Variants in ATP8A2 observed in about 807,000 individuals in gnomAD.
ATP8A2 encodes the protein phospholipid-transporting ATPase IB.
ATP8A2 carries 100 observed loss-of-function variants against 165.6 expected under a neutral mutation model. The ratio of observed to expected loss-of-function variants is 0.60; its 90% CI spans 0.51 to 0.71. The LOEUF is 0.71. Among genes scored for constraint, ATP8A2 ranks in the 30% least tolerant of loss-of-function variants. The pLI, the probability that ATP8A2 is intolerant of heterozygous loss-of-function variation, is 0.00. For missense variants in ATP8A2, 1,227 were observed against 1,479.5 expected (o/e 0.83, Z 2.80); for synonymous variants, 543 against 548.8 (o/e 0.99, Z 0.15).
Position 25,578,861 on chromosome 13 carries a change from A to G in ATP8A2, c.1829A>G (p.Glu610Gly), listed in dbSNP as rs765383685. ...ERLSKDSKYM[E>G]ETLCHLEYFA... ...CTTTCAAAAGACTCAAAATATATGG[A>G]GGAAACATTATGCCATCTGGAATAC... is the stretch of plus-strand genomic sequence containing the variant. Residue 610 changes from glutamate (E) to glycine (G), a missense_variant, in exon 21 of 37, where the codon GAG becomes GGG. Physicochemically the swap from Glu to Gly is moderately conservative, Grantham distance 98 (BLOSUM62 -2). This residue lies in a region of ATP8A2 where 592 missense variants were observed against 785.6 expected (regional missense o/e 0.75). Coordinates refer to ENST00000381655, the MANE Select transcript of ATP8A2 (RefSeq NM_016529.6). 6.2e-7 allele frequency: 1 copy of G among 1,611,588 alleles called. No individual in the cohort carries two copies. The highest frequency in any genetic ancestry group is 1.1e-5 in the South Asian group (1 of 91,024).
Position 25,712,363 on chromosome 13 carries a change from A to G in ATP8A2, c.2384+13018A>G, listed in dbSNP as rs558182257. Among the ~76,000 whole-genome samples the G allele has an allele frequency of 1.5e-4, 23 of 152,264 alleles. No individual in the cohort carries two copies. In the East Asian group the frequency reaches 1.7e-3, roughly 12 times the overall value. On this transcript the variant is annotated intron_variant, in intron 25 of 36. Transcript: ENST00000381655. ...ATGTCAGTTAGTGCTGCTGCCCACT[A>G]GAAACCCTGGAGCCTGGAAGATGAG...
chr13:25,585,171 T>G (rs962810126), intron 23 of ATP8A2, among the ~76,000 whole-genome samples: 2 of 152,232 alleles, frequency 1.3e-5, no homozygotes, highest in Non-Finnish European at 2.9e-5. Context: ...ATTGGCATGT[T>G]GCCAGAATCC....
chr13:25,713,995 C>A lies in ATP8A2; in HGVS notation c.2384+14650C>A, dbSNP rs143809465. Among the ~76,000 whole-genome samples the A allele has an allele frequency of 3.3e-5, 5 of 152,206 alleles. No homozygotes were observed. The East Asian group carries it at 9.7e-4, about 29-fold the overall frequency. The stretch of plus-strand genomic sequence containing the variant: ...CCTTTGATCTTAGGTACGTTGAATT[C>A]TTAAATTTATTAGCTTCTCTAATGC... On this transcript the variant is annotated intron_variant, in intron 25 of 36. Coordinates refer to ENST00000381655, the MANE Select transcript of ATP8A2 (RefSeq NM_016529.6).
rs148780995 is a variant in ATP8A2, at chr13:26,004,879, T to C, written c.3378-7652T>C. On this transcript the variant is annotated intron_variant, in intron 35 of 36. Coordinates refer to ENST00000381655, the MANE Select transcript of ATP8A2 (RefSeq NM_016529.6). ...TGATTCTTTCAATGTGTTGTTAAGT[T>C]CAGTTTGCTAATATTTTGTTGAGGA... is the stretch of plus-strand genomic sequence containing the variant. 2.7e-3 allele frequency among the ~76,000 whole-genome samples: 406 copies of C among 152,196 alleles called. 1 individual carries two copies. Among genetic ancestry groups the C allele is most frequent in the African/African-American group, 9.0e-3 (372 of 41,554 alleles).
chr13:25,506,943 A>ATATATATATATATATATATATG (rs2037058562), intron 2 of ATP8A2, among the ~76,000 whole-genome samples: 1 of 119,816 alleles, frequency 8.3e-6, no homozygotes, highest in Non-Finnish European at 1.7e-5. Context: ...TACAGTACAT[A>ATATATATATATATATATATATG]TATATATATA....
At position 25,555,073 on chromosome 13, in the gene ATP8A2, A is replaced by C; in HGVS notation, c.1263+5A>C. 1 of 1,608,512 alleles carries C rather than the reference A, an allele frequency of 6.2e-7. No individual in the cohort carries two copies. The highest frequency in any genetic ancestry group is 8.5e-7 in the Non-Finnish European group (1 of 1,175,158). On this transcript the variant is annotated splice_donor_5th_base_variant and intron_variant, in intron 13 of 36. Transcript: ENST00000381655. ...CTTAATGAAGAGCTTGGGCAGGTGA[A>C]AAAGCCTCTGGGAACTTTGGGAATG...
chr13:25,977,217 GA>G (rs1212242196), intron 35 of ATP8A2, among the ~76,000 whole-genome samples: 3 of 151,776 alleles, frequency 2.0e-5, no homozygotes, highest in African/African-American at 7.3e-5. Context: ...AAAATTAATT[GA>G]ATGCGTTTAA....
chr13:25,747,347 G>A (rs1421452449), intron 25 of ATP8A2, among the ~76,000 whole-genome samples: 1 of 152,242 alleles, frequency 6.6e-6, no homozygotes, highest in Admixed American at 6.5e-5. Flanking sequence ...AAGGTTAGTA[G>A]CGAAGTCAGT....
intron 24 of ATP8A2, among the ~76,000 whole-genome samples, chr13:25,665,356 G>T (rs1181492770): frequency 6.6e-6 from 1 of 152,184 alleles, no homozygotes. Context: ...TACTTGGGAG[G>T]CTGAGGAGGG....
intron 33 of ATP8A2, among the ~76,000 whole-genome samples, chr13:25,940,527 C>T (rs1179058764): frequency 6.6e-6 from 1 of 152,212 alleles, no homozygotes; most frequent in African/African-American, 2.4e-5. Context: ...ATATTACCGC[C>T]CCCGGTTCCC....
At chr13:25,800,011 C>T (rs1950588757) in intron 27 of ATP8A2, among the ~76,000 whole-genome samples, 1 of 152,208 alleles carries the variant, frequency 6.6e-6, no homozygotes, top group African/African-American at 2.4e-5. Context: ...CAGCAGCTCA[C>T]ATTTATTGGG....
intron 13 of ATP8A2, among the ~76,000 whole-genome samples, chr13:25,557,840 G>A (rs762253657): frequency 3.3e-5 from 5 of 152,078 alleles, no homozygotes; most frequent in Non-Finnish European, 7.4e-5. Flanking sequence ...TTAAGGATAA[G>A]TTAAAATTTA....
At chr13:25,781,211 G>A (rs140068893) in intron 27 of ATP8A2, among the ~76,000 whole-genome samples, 31 of 152,162 alleles carry the variant, frequency 2.0e-4, no homozygotes, top group African/African-American at 6.0e-4. Flanking sequence ...TGCAGTGAGC[G>A]GAAGCCGAGA....
At chr13:25,895,119 C>CA (rs767115773) in intron 33 of ATP8A2, among the ~76,000 whole-genome samples, 3 of 152,138 alleles carry the variant, frequency 2.0e-5, no homozygotes, top group Non-Finnish European at 4.4e-5. Context: ...TGCCATTTTT[C>CA]AAAAAGAATG....
At chr13:25,960,089 G>A (rs1416517493) in intron 33 of ATP8A2, among the ~76,000 whole-genome samples, 2 of 152,208 alleles carry the variant, frequency 1.3e-5, no homozygotes, top group Non-Finnish European at 2.9e-5. Flanking sequence ...TATGGGAAGG[G>A]GCCCAGAGGC....
chr13:25,995,834 A>T (rs1314260309), intron 35 of ATP8A2, among the ~76,000 whole-genome samples: 1 of 152,042 alleles, frequency 6.6e-6, no homozygotes. Flanking sequence ...TTTATTGATG[A>T]TTTTCCATTT....
intron 2 of ATP8A2, among the ~76,000 whole-genome samples, chr13:25,500,068 G>A (rs1003454643): frequency 1.4e-3 from 210 of 152,308 alleles, no homozygotes; most frequent in African/African-American, 4.9e-3. Context: ...TGGGGGAAGA[G>A]TAGATTATTT....
At chr13:25,928,799 T>A (rs1023540663) in intron 33 of ATP8A2, among the ~76,000 whole-genome samples, 2 of 151,754 alleles carry the variant, frequency 1.3e-5, no homozygotes, top group Non-Finnish European at 3.0e-5. Flanking sequence ...CAGTGAAAGT[T>A]CTCCCTTATT....
intron 33 of ATP8A2, among the ~76,000 whole-genome samples, chr13:25,905,750 C>G (rs1320634417): frequency 6.6e-6 from 1 of 151,844 alleles, no homozygotes; most frequent in Non-Finnish European, 1.5e-5. Context: ...CCCAGAAGGA[C>G]AGGGCGTTGG....
Sources: allele counts gnomAD v4.1 joint callset (sites outside exome capture counted in the v4.1 genomes callset), GRCh38; gene constraint gnomAD v4.1.1; regional missense constraint gnomAD v4.1.1; transcripts MANE v1.5; gene names NCBI Gene and HGNC (gene_info 2026-07-23, HGNC 2026-07-21).